Variants in CDK19 observed in about 807,000 individuals in gnomAD.
The protein encoded by CDK19 is cyclin-dependent kinase 19.
A neutral mutation model predicts 68.3 loss-of-function variants in CDK19; 20 were observed. The ratio of observed to expected loss-of-function variants is 0.29; its 90% CI spans 0.21 to 0.43. CDK19 has a LOEUF of 0.43. Among genes scored for constraint, CDK19 ranks in the 20% least tolerant of loss-of-function variants. CDK19 has a pLI of 1.00. For missense variants in CDK19, 339 were observed against 623.5 expected (o/e 0.54, Z 4.86); for synonymous variants, 221 against 222.8 (o/e 0.99, Z 0.07).
chr6:110,800,835 G>A (rs191340549), intron 1 of CDK19, among the ~76,000 whole-genome samples: 1 of 152,158 alleles, frequency 6.6e-6, no homozygotes, highest in East Asian at 1.9e-4. Flanking sequence ...CAAAGCCACA[G>A]CCAACATCAT....
At chr6:110,811,052 G>C (rs1236703825) in intron 1 of CDK19, among the ~76,000 whole-genome samples, 1 of 152,132 alleles carries the variant, frequency 6.6e-6, no homozygotes, top group East Asian at 1.9e-4. Flanking sequence ...TCTCTGCTGT[G>C]ACACTATGAG....
At chr6:110,731,690 T>C (rs1357004172) in intron 2 of CDK19, among the ~76,000 whole-genome samples, 1 of 152,222 alleles carries the variant, frequency 6.6e-6, no homozygotes, top group East Asian at 1.9e-4. Context: ...GCTATTTCAA[T>C]ACTACATGAC....
chr6:110,632,601 C>T (rs1404354928), intron 5 of CDK19, among the ~76,000 whole-genome samples: 13 of 152,018 alleles, frequency 8.6e-5, no homozygotes, highest in Admixed American at 5.9e-4. Context: ...CATGGTGGTG[C>T]GCACCTGTAG....
At chr6:110,615,498 A>C (rs1417183030) in intron 12 of CDK19, among the ~76,000 whole-genome samples, 1 of 152,212 alleles carries the variant, frequency 6.6e-6, no homozygotes, top group Non-Finnish European at 1.5e-5. Flanking sequence ...GAAAGAATAT[A>C]TGTAATAAAG....
chr6:110,786,095 T>A (rs1038127127), intron 1 of CDK19, among the ~76,000 whole-genome samples: 2 of 152,228 alleles, frequency 1.3e-5, no homozygotes, highest in East Asian at 3.8e-4. Context: ...TTCTTCCGTC[T>A]GCTTTAGTTT....
chr6:110,627,852 A>G (rs1329958774), intron 6 of CDK19, among the ~76,000 whole-genome samples: 1 of 152,202 alleles, frequency 6.6e-6, no homozygotes, highest in Admixed American at 6.5e-5. Flanking sequence ...AAAGCCATCC[A>G]ATGTATAATG....
intron 2 of CDK19, among the ~76,000 whole-genome samples, chr6:110,717,911 C>T (rs529420322): frequency 7.9e-5 from 12 of 152,166 alleles, no homozygotes; most frequent in Non-Finnish European, 4.4e-5. Flanking sequence ...ATTTTGGTCA[C>T]GCTGGTCTCA....
chr6:110,690,757 T>C (rs1323137331), intron 2 of CDK19, among the ~76,000 whole-genome samples: 1 of 152,064 alleles, frequency 6.6e-6, no homozygotes. Flanking sequence ...CTCTCTATAA[T>C]GACAGAACTC....
chr6:110,777,294 G>A (rs1268036674), intron 1 of CDK19, among the ~76,000 whole-genome samples: 5 of 151,904 alleles, frequency 3.3e-5, no homozygotes, highest in African/African-American at 4.8e-5. Context: ...CAATATATCC[G>A]AATAACAAAT....
chr6:110,814,748 G>C (rs1320845510), intron 1 of CDK19: 3 of 638,018 alleles, frequency 4.7e-6, no homozygotes, highest in Admixed American at 4.2e-5. Context: ...CCGTCTCCGA[G>C]CACTCGGAGG....
intron 1 of CDK19, 87 bp downstream of exon 1, chr6:110,814,922 C>CT (rs1783495726): frequency 6.4e-7 from 1 of 1,571,484 alleles, no homozygotes. Context: ...CGGGCACGGC[C>CT]CGACTGGGAT....
intron 9 of CDK19, 22 bp downstream of exon 9, chr6:110,623,268 A>G: frequency 6.3e-7 from 1 of 1,595,782 alleles, no homozygotes; most frequent in Non-Finnish European, 8.6e-7. Context: ...ATCAGATTTT[A>G]GTCTGGGAGA....
intron 2 of CDK19, among the ~76,000 whole-genome samples, chr6:110,723,200 G>A (rs76228588): frequency 0.021 from 3,110 of 148,090 alleles, 96 homozygotes; most frequent in African/African-American, 0.074. Context: ...ATTCGAGGCC[G>A]CCAGGTTATA....
chr6:110,663,925 C>CGT (rs1020894667), intron 4 of CDK19, among the ~76,000 whole-genome samples: 1 of 152,090 alleles, frequency 6.6e-6, no homozygotes, highest in African/African-American at 2.4e-5. Flanking sequence ...TGCTATACTA[C>CGT]GTAAGAACCA....
rs1309317801 is a variant in CDK19 at position 110,718,939 on chromosome 6, G to A, written c.204+27187C>T. Among the ~76,000 whole-genome samples, 4 of 152,142 alleles carry A rather than the reference G, an allele frequency of 2.6e-5. No homozygotes were observed. In the East Asian group the frequency reaches 7.7e-4, roughly 29 times the overall value. ...CTAAAATAATAGAAAGAAATAGCAG[G>A]AGGGAAAGATATGAGGTAAAGAGTT... is the stretch of plus-strand genomic sequence containing the variant. On this transcript the variant is annotated intron_variant, in intron 2 of 12. Transcript: ENST00000368911.
chr6:110,743,206 C>T (rs1197260535), intron 2 of CDK19, among the ~76,000 whole-genome samples: 1 of 152,184 alleles, frequency 6.6e-6, no homozygotes, highest in Middle Eastern at 3.2e-3. Flanking sequence ...TGTGCACAGT[C>T]ACTGTGCAAT....
Position 110,651,499 on chromosome 6 carries a change from G to A in CDK19, c.457-12793C>T, listed in dbSNP as rs187792784. On this transcript the variant is annotated intron_variant, in intron 4 of 12. Coordinates refer to ENST00000368911, the MANE Select transcript of CDK19 (RefSeq NM_015076.5). ...TGTAATCCCAGTACTTTGGGAGGCC[G>A]AGAAGGGCAGATTGCTTGCGCTCAG... Among the ~76,000 whole-genome samples, 12 of 152,292 alleles carry A rather than the reference G, an allele frequency of 7.9e-5. No individual in the cohort carries two copies. The East Asian group carries it at 1.2e-3, about 15-fold the overall frequency.
At chr6:110,717,647 G>A (rs997611423) in intron 2 of CDK19, among the ~76,000 whole-genome samples, 2 of 152,192 alleles carry the variant, frequency 1.3e-5, no homozygotes, top group African/African-American at 4.8e-5. Context: ...CCTTTCGGGG[G>A]TGATTAAGTT....
chr6:110,643,234 A>T, intron 4 of CDK19: 2 of 1,268,382 alleles, frequency 1.6e-6, no homozygotes, highest in South Asian at 2.5e-5. Context: ...TCCAGCTAAA[A>T]GACACAGGTA....
Sources: gnomAD v4.1 joint callset for allele counts (sites outside exome capture counted in the v4.1 genomes callset) on GRCh38, gnomAD v4.1.1 for gene constraint, MANE v1.5 for transcripts, NCBI Gene and HGNC (gene_info 2026-07-23, HGNC 2026-07-21) for gene names.